The following SNX31 variants were observed in gnomAD, a reference collection of about 807,000 sequenced individuals.
SNX31 encodes the protein sorting nexin-31.
In SNX31, 58 loss-of-function variants were observed where a neutral mutation model predicts 65.4. The ratio of observed to expected loss-of-function variants is 0.89; its 90% CI spans 0.72 to 1.10. The LOEUF is 1.10. Among genes scored for constraint, SNX31 ranks in the 50% least tolerant of loss-of-function variants. The pLI is 0.00. For synonymous variants in SNX31, 181 were observed against 190.1 expected, an observed-to-expected ratio of 0.95 and a Z score of 0.39; for missense variants, 523 against 529.7, an observed-to-expected ratio of 0.99 and a Z score of 0.12.
chr8:100,596,847 T>C lies in SNX31; in HGVS notation c.775-5A>G, dbSNP rs1381586709. 9.9e-6 allele frequency: 16 copies of C among 1,612,840 alleles called. No homozygotes were observed. The highest frequency in any genetic ancestry group is 1.3e-5 in the Non-Finnish European group (15 of 1,179,902). ...CTCCCGGGCCAGCTCCAAAAACTGC[T>C]CCAAAGAGGGTGATGTGGGGGGAGG... On this transcript the variant is annotated splice_polypyrimidine_tract_variant and splice_region_variant and intron_variant, in intron 9 of 13. Transcript: ENST00000311812.
chr8:100,646,019 T>C (rs1253006865), intron 2 of SNX31, among the ~76,000 whole-genome samples: 1 of 151,390 alleles, frequency 6.6e-6, no homozygotes, highest in Non-Finnish European at 1.5e-5. Flanking sequence ...TGACAGAGAG[T>C]AGATGTTGGA....
chr8:100,624,147 G>T (rs868336348), intron 4 of SNX31, among the ~76,000 whole-genome samples: 80 of 152,264 alleles, frequency 5.3e-4, no homozygotes, highest in Middle Eastern at 6.8e-3. Context: ...AGTGGATAGG[G>T]TCTAAAAATT....
chr8:100,574,104 T>A (rs1812837929), intron 13 of SNX31, 144 bp from the exon 14 acceptor site: 1 of 520,354 alleles, frequency 1.9e-6, no homozygotes, highest in Admixed American at 3.9e-5. Flanking sequence ...TAAACAGTTT[T>A]ATTCTGTAGA....
chr8:100,587,826 T>G (rs79813296), intron 11 of SNX31, among the ~76,000 whole-genome samples: 2,667 of 152,348 alleles, frequency 0.018, 28 homozygotes, highest in Non-Finnish European at 0.03. Context: ...CCTCAAGATA[T>G]CTCATTATAT....
chr8:100,614,966 G>C lies in SNX31; in HGVS notation c.433-1881C>G, dbSNP rs192191375. 2.0e-5 allele frequency among the ~76,000 whole-genome samples: 3 copies of C among 152,368 alleles called. No homozygotes were observed. Among genetic ancestry groups the C allele is most frequent in the African/African-American group, 7.2e-5 (3 of 41,596 alleles). Reference sequence around the variant, plus strand: ...CTGGGGAAGCAAAGTGAGAATGGCAGCAAGTGTGCTGGAGAAGATGCAGAA... The same window carrying C: ...CTGGGGAAGCAAAGTGAGAATGGCACCAAGTGTGCTGGAGAAGATGCAGAA... On this transcript the variant is annotated intron_variant, in intron 5 of 13. Coordinates refer to ENST00000311812, the MANE Select transcript of SNX31 (RefSeq NM_152628.4). This position sits in a 1 kb window ranked among gnomAD's most constrained non-coding sequence, Gnocchi z 5.1.
Position 100,613,005 on chromosome 8 carries a change from G to A in SNX31, c.513C>T (p.Gly171=). The change falls in exon 6 of 14, where the codon GGC becomes GGT. Residue 171 remains glycine (G), a synonymous_variant. Transcript: ENST00000311812. This position sits in a 1 kb window ranked among gnomAD's most constrained non-coding sequence, Gnocchi z 5.2. ...GLFLIRFGKE[G]KLSVVKKLAD... ...TTCCTTCCTTCTTACCAGAGAGCTT[G>A]CCCTCCTTGCCAAACCGAATGAGAA... The A allele has an allele frequency of 6.2e-7, 1 of 1,613,926 alleles. No homozygotes were observed. The highest frequency in any genetic ancestry group is 8.5e-7 in the Non-Finnish European group (1 of 1,179,870).
In SNX31 at chr8:100,573,910, A is replaced by T; in HGVS notation, c.1278T>A (p.Ala426=). The change falls in exon 14 of 14, where the codon GCT becomes GCA. Residue 426 remains alanine (A), a synonymous_variant. Coordinates refer to ENST00000311812, the MANE Select transcript of SNX31 (RefSeq NM_152628.4). The stretch of plus-strand genomic sequence containing the variant: ...TGTTCCCAAAAACGCAGTCATCTTT[A>T]GCTATCTTAATCTTGCTTTTTCTTG... ...FLSRKSKIKI[A]KDDCVFGNIK... 6.3e-7 allele frequency: 1 copy of T among 1,591,418 alleles called. No individual in the cohort carries two copies. The highest frequency in any genetic ancestry group is 8.5e-7 in the Non-Finnish European group (1 of 1,169,734).
At chr8:100,617,251 T>C (rs1190461889) in intron 5 of SNX31, among the ~76,000 whole-genome samples, 2 of 152,184 alleles carry the variant, frequency 1.3e-5, no homozygotes, top group Admixed American at 6.5e-5. Context: ...GTATGACCTG[T>C]TTCAGACTCT....
intron 4 of SNX31, chr8:100,619,033 G>A (rs1291511681): frequency 1.3e-5 from 2 of 152,270 alleles, no homozygotes; most frequent in East Asian, 3.9e-4. Flanking sequence ...GTGGGGTGGG[G>A]GCTGAAAGTC....
upstream of SNX31, among the ~76,000 whole-genome samples, chr8:100,653,081 T>G (rs879465562): frequency 6.6e-6 from 1 of 152,218 alleles, no homozygotes; most frequent in Non-Finnish European, 1.5e-5. Flanking sequence ...TGTATTTTTC[T>G]TCATCTGCCT....
At chr8:100,618,152 C>T (rs1817394075) in intron 4 of SNX31, 1 of 985,194 alleles carries the variant, frequency 1.0e-6, no homozygotes, top group Non-Finnish European at 1.2e-6. Flanking sequence ...ATATGGTACC[C>T]AAAGTTCCCA....
rs1306229442 is a variant in SNX31 at position 100,622,653 on chromosome 8, AAAAT to A, written c.322-4927_322-4924del. On this transcript the variant is annotated intron_variant, in intron 4 of 13. Coordinates refer to ENST00000311812, the MANE Select transcript of SNX31 (RefSeq NM_152628.4). The surrounding 1 kb of genome is among the most constrained non-coding windows in gnomAD (Gnocchi z 5.0). Reference sequence around the variant, plus strand: ...GTGACAGAGCAAGACTCCCTCTCAAAAAATAAATAAGTAAATAAATAAATAAATA... The same window carrying A: ...GTGACAGAGCAAGACTCCCTCTCAAAAAATAAGTAAATAAATAAATAAATA... Among the ~76,000 whole-genome samples, 1 of 149,362 alleles carries A rather than the reference AAAAT, an allele frequency of 6.7e-6. No individual in the cohort carries two copies. Among genetic ancestry groups the A allele is most frequent in the African/African-American group, 2.5e-5 (1 of 39,510 alleles).
intron 3 of SNX31, among the ~76,000 whole-genome samples, chr8:100,632,379 G>T (rs969458715): frequency 1.3e-5 from 2 of 151,932 alleles, no homozygotes; most frequent in African/African-American, 4.8e-5. Context: ...CATTCAGCAG[G>T]TCTAAAAAGA....
chr8:100,610,964 A>G lies in SNX31; in HGVS notation c.611+1036T>C, dbSNP rs1816660066. Among the ~76,000 whole-genome samples the G allele has an allele frequency of 6.6e-6, 1 of 152,196 alleles. No individual in the cohort carries two copies. Among genetic ancestry groups the G allele is most frequent in the African/African-American group, 2.4e-5 (1 of 41,446 alleles). ...CAATCCCCTGCAGCCACGGTAATAA[A>G]CACTGGGAGCTGCAGGTTATAGGAC... is the stretch of plus-strand genomic sequence containing the variant. On this transcript the variant is annotated intron_variant, in intron 7 of 13. Coordinates refer to ENST00000311812, the MANE Select transcript of SNX31 (RefSeq NM_152628.4). This position sits in a 1 kb window ranked among gnomAD's most constrained non-coding sequence, Gnocchi z 4.0.
chr8:100,612,777 C>T lies in SNX31; in HGVS notation c.523+218G>A, dbSNP rs1225300266. Among the ~76,000 whole-genome samples the T allele has an allele frequency of 6.6e-6, 1 of 152,080 alleles. No individual in the cohort carries two copies. The highest frequency in any genetic ancestry group is 1.5e-5 in the Non-Finnish European group (1 of 68,024). ...GATTAGGGCTGGGGGTACACAAGTGCAGTTACTGGACCACCCAAGGTATGA... is the reference window on the plus strand; with the variant it reads ...GATTAGGGCTGGGGGTACACAAGTGTAGTTACTGGACCACCCAAGGTATGA... On this transcript the variant is annotated intron_variant, in intron 6 of 13. Coordinates refer to ENST00000311812, the MANE Select transcript of SNX31 (RefSeq NM_152628.4). The surrounding 1 kb of genome is among the most constrained non-coding windows in gnomAD (Gnocchi z 4.3).
chr8:100,640,220 TG>T (rs1819069069), intron 2 of SNX31, among the ~76,000 whole-genome samples: 1 of 152,160 alleles, frequency 6.6e-6, no homozygotes, highest in Non-Finnish European at 1.5e-5. Context: ...CTCTGCCTCC[TG>T]GGTTCGAGTA....
intron 4 of SNX31, among the ~76,000 whole-genome samples, chr8:100,619,526 G>C (rs1246024786): frequency 6.6e-6 from 1 of 152,234 alleles, no homozygotes; most frequent in Non-Finnish European, 1.5e-5. Flanking sequence ...AGAGTTCAGG[G>C]AAGCACAGGC....
Position 100,635,972 on chromosome 8 carries a change from G to A in SNX31, c.181C>T (p.Pro61Ser). 1 of 1,614,108 alleles carries A rather than the reference G, an allele frequency of 6.2e-7. No individual in the cohort carries two copies. The highest frequency in any genetic ancestry group is 8.5e-7 in the Non-Finnish European group (1 of 1,180,004). Residue 61 changes from proline to serine, a missense_variant, in exon 3 of 14, where the codon CCA (proline) becomes TCA (serine). Physicochemically the swap from Pro to Ser is moderately conservative, Grantham distance 74. Coordinates refer to ENST00000311812, the MANE Select transcript of SNX31 (RefSeq NM_152628.4). ...VFGNCLPPFP[P>S]KYYLAMTTAM... ...GTGGTCATTGCCAGATAGTACTTTG[G>A]TGGGAAGGGTGGCAGGCAATTTCCA...
At chr8:100,581,329 C>CTATATATA (rs1491502174) in intron 12 of SNX31, among the ~76,000 whole-genome samples, 31 of 80,164 alleles carry the variant, frequency 3.9e-4, no homozygotes, top group South Asian at 1.2e-3. Context: ...CTATATCTAT[C>CTATATATA]TATCTATCTA....
Sources: allele counts gnomAD v4.1 joint callset (sites outside exome capture counted in the v4.1 genomes callset), GRCh38; gene constraint gnomAD v4.1.1; non-coding constraint Gnocchi (gnomAD v3.1); transcripts MANE v1.5; gene names NCBI Gene and HGNC (gene_info 2026-07-23, HGNC 2026-07-21).